Variants in OVCH1 observed in about 807,000 individuals in gnomAD.
OVCH1 encodes ovochymase 1, also known as ovochymase-1.
Under a neutral mutation model 138.4 loss-of-function variants are expected in OVCH1, and 139 were observed. The ratio of observed to expected loss-of-function variants is 1.00; its 90% CI spans 0.87 to 1.16. The LOEUF (loss-of-function observed/expected upper bound fraction) is 1.16, where lower values mean the gene tolerates loss of function less well. Ranked by LOEUF, OVCH1 falls within the 50% of genes most tolerant of loss-of-function variation. The probability of loss-of-function intolerance (pLI) is 0.00; values close to 1 mark genes in which losing one functional copy is unlikely to be tolerated. For missense variants in OVCH1, 1,367 were observed against 1,357.9 expected (o/e 1.01, Z -0.11); for synonymous variants, 453 against 467.8 (o/e 0.97, Z 0.41).
chr12:29,471,495 CA>C (rs1942505630), intron 16 of OVCH1, among the ~76,000 whole-genome samples: 1 of 152,112 alleles, frequency 6.6e-6, no homozygotes, highest in South Asian at 2.1e-4. Context: ...GAGGAGTCTT[CA>C]AATATAGAAA....
exon 11 of OVCH1, chr12:29,477,351 C>T: frequency 1.2e-6 from 2 of 1,614,000 alleles, no homozygotes; most frequent in African/African-American, 1.3e-5. Context: ...CTGCTTCTGA[C>T]TTCTGTACAG....
intron 12 of OVCH1, among the ~76,000 whole-genome samples, chr12:29,476,755 G>GCGCGCGCACACACACACACACA (rs1264497944): frequency 9.7e-6 from 1 of 103,342 alleles, no homozygotes; most frequent in Non-Finnish European, 2.1e-5. Context: ...ACACACGCGC[G>GCGCGCGCACACACACACACACA]CACACACACA....
At chr12:29,489,697 T>C in exon 6 of OVCH1, 1 of 1,610,468 alleles carries the variant, frequency 6.2e-7, no homozygotes, top group Non-Finnish European at 8.5e-7. Context: ...TTCATGCTCT[T>C]GAGCACAGTA....
chr12:29,448,555 T>A (rs1941682583), intron 22 of OVCH1, among the ~76,000 whole-genome samples: 1 of 151,918 alleles, frequency 6.6e-6, no homozygotes, highest in African/African-American at 2.4e-5. Flanking sequence ...TGGGAACCCA[T>A]GAGCTGATGG....
intron 27 of OVCH1, among the ~76,000 whole-genome samples, chr12:29,431,747 AATCT>A (rs1376306577): frequency 8.5e-5 from 13 of 152,200 alleles, no homozygotes; most frequent in Non-Finnish European, 1.6e-4. Context: ...GGGGTATATA[AATCT>A]ATTATAATTC....
At chr12:29,432,177 A>G (rs1253553037) in intron 27 of OVCH1, among the ~76,000 whole-genome samples, 1 of 152,204 alleles carries the variant, frequency 6.6e-6, no homozygotes, top group Non-Finnish European at 1.5e-5. Flanking sequence ...ATCCTATAGC[A>G]TCTTGTAGGC....
exon 10 of OVCH1, chr12:29,477,575 T>C (rs1449629266): frequency 6.2e-7 from 1 of 1,613,628 alleles, no homozygotes; most frequent in Non-Finnish European, 8.5e-7. Flanking sequence ...GAGAGATCTC[T>C]GATCTAAACA....
At chr12:29,429,800 C>A (rs1941238190) in intron 27 of OVCH1, among the ~76,000 whole-genome samples, 1 of 152,106 alleles carries the variant, frequency 6.6e-6, no homozygotes, top group Non-Finnish European at 1.5e-5. Flanking sequence ...ATACAATAAT[C>A]AAAAAGAGAA....
At chr12:29,420,027 T>C (rs1941081565) in intron 3 of OVCH1, among the ~76,000 whole-genome samples, 1 of 152,206 alleles carries the variant, frequency 6.6e-6, no homozygotes, top group Non-Finnish European at 1.5e-5. Flanking sequence ...ACTGCTACTT[T>C]GAAGACACTG....
At chr12:29,454,483 T>C (rs1592059050) in intron 21 of OVCH1, among the ~76,000 whole-genome samples, 1 of 152,176 alleles carries the variant, frequency 6.6e-6, no homozygotes, top group African/African-American at 2.4e-5. Flanking sequence ...ATACTAATGC[T>C]GGCGCTAGTC....
chr12:29,455,045 T>G, intron 20 of OVCH1, 112 bp from the exon 21 acceptor site: 3 of 1,166,036 alleles, frequency 2.6e-6, no homozygotes, highest in Non-Finnish European at 3.6e-6. Flanking sequence ...AATCCAGGAT[T>G]AAAGCAGCCT....
chr12:29,412,340 A>G (rs1014565729), downstream of OVCH1: 1 of 153,028 alleles, frequency 6.5e-6, no homozygotes, highest in Non-Finnish European at 1.5e-5. Context: ...ACCCGCGCCC[A>G]CTGTCTGGCA....
intron 8 of OVCH1, among the ~76,000 whole-genome samples, chr12:29,479,658 T>G (rs1295526073): frequency 6.6e-6 from 1 of 152,168 alleles, no homozygotes; most frequent in African/African-American, 2.4e-5. Context: ...ATTAACTCTT[T>G]CCAAAATTCA....
chr12:29,471,989 T>TA lies in OVCH1; in HGVS notation c.1676-8dup. 6.2e-7 allele frequency: 1 copy of TA among 1,602,602 alleles called. No homozygotes were observed. Among genetic ancestry groups the TA allele is most frequent in the South Asian group, 1.1e-5 (1 of 89,004 alleles). ...GGAGGGATGCCACAGACATCTACAGTAAAGATGAAACCAATGACCCATAAG... is the reference window on the plus strand; with the variant it reads ...GGAGGGATGCCACAGACATCTACAGTAAAAGATGAAACCAATGACCCATAAG... On this transcript the variant is annotated splice_polypyrimidine_tract_variant and splice_region_variant and intron_variant, in intron 15 of 27. Coordinates refer to ENST00000318184, the Ensembl canonical transcript of OVCH1.
At chr12:29,465,468 G>A (rs1184350500) in intron 16 of OVCH1, among the ~76,000 whole-genome samples, 1 of 152,152 alleles carries the variant, frequency 6.6e-6, no homozygotes, top group African/African-American at 2.4e-5. Context: ...AGAAGAGAGA[G>A]AGCAAAGGAA....
chr12:29,441,555 A>G (rs12423206), intron 25 of OVCH1, among the ~76,000 whole-genome samples: 36,590 of 151,998 alleles, frequency 0.24, 5,061 homozygotes, highest in Admixed American at 0.41. Context: ...CAGGACATAG[A>G]CATGGGCAAG....
chr12:29,495,726 A>G (rs1014046755), intron 3 of OVCH1, among the ~76,000 whole-genome samples: 2 of 152,300 alleles, frequency 1.3e-5, no homozygotes. Context: ...TAGTTCACAC[A>G]TGCAATGCCA....
exon 26 of OVCH1, chr12:29,439,348 G>T: frequency 6.4e-7 from 1 of 1,550,614 alleles, no homozygotes; most frequent in Non-Finnish European, 8.7e-7. Context: ...TCCCATATAT[G>T]CATGATATAT....
intron 3 of OVCH1, among the ~76,000 whole-genome samples, chr12:29,415,084 C>T (rs1185836761): frequency 1.3e-5 from 2 of 152,124 alleles, no homozygotes; most frequent in African/African-American, 2.4e-5. Context: ...TCATCTCTCA[C>T]TCTTCCCAGT....
Sources: gnomAD v4.1 joint callset for allele counts (sites outside exome capture counted in the v4.1 genomes callset) on GRCh38, gnomAD v4.1.1 for gene constraint, MANE v1.5 for transcripts, NCBI Gene and HGNC (gene_info 2026-07-23, HGNC 2026-07-21) for gene names.